The following RYR2 variants were observed in gnomAD, a reference collection of about 807,000 sequenced individuals.
The protein encoded by RYR2 is cardiac muscle ryanodine receptor-calcium release channel.
RYR2 carries 227 observed loss-of-function variants against 601.1 expected under a neutral mutation model. That is an observed-to-expected ratio of 0.38 (90% CI 0.34 to 0.42). The LOEUF is 0.42. RYR2 is among the 10% of genes least tolerant of loss of function. The pLI, the probability that RYR2 is intolerant of heterozygous loss-of-function variation, is 1.00. For missense variants in RYR2, 4,646 were observed against 6,156.5 expected (o/e 0.75, Z 8.21); for synonymous variants, 2,223 against 2,175.1 (o/e 1.02, Z -0.61).
At chr1:237,321,424 G>A (rs1260696840) in intron 2 of RYR2, among the ~76,000 whole-genome samples, 1 of 152,074 alleles carries the variant, frequency 6.6e-6, no homozygotes, top group East Asian at 1.9e-4. Context: ...TTAACTTGGA[G>A]CCCAACTTCC....
intron 40 of RYR2, among the ~76,000 whole-genome samples, chr1:237,626,322 C>G (rs1158042017): frequency 1.3e-5 from 2 of 151,998 alleles, no homozygotes; most frequent in East Asian, 3.9e-4. Context: ...CTGAGGGATC[C>G]AGCCTACTTT....
At chr1:237,706,914 T>C (rs1688427719) in intron 67 of RYR2, 35 bp from the exon 68 acceptor site, 1 of 1,546,266 alleles carries the variant, frequency 6.5e-7, no homozygotes, top group Non-Finnish European at 8.9e-7. Context: ...AGTACTTTCT[T>C]TGAATATCAT....
intron 43 of RYR2, 30 bp from the exon 44 acceptor site, chr1:237,634,859 G>T (rs747753826): frequency 6.5e-7 from 1 of 1,533,870 alleles, no homozygotes; most frequent in Admixed American, 1.9e-5. Context: ...CACGATCCAG[G>T]TTATATTTCA....
At chr1:237,357,391 T>G (rs980706520) in intron 4 of RYR2, among the ~76,000 whole-genome samples, 16 of 152,168 alleles carry the variant, frequency 1.1e-4, no homozygotes, top group African/African-American at 3.9e-4. Context: ...CTCTGTCTTT[T>G]CCCATCCTTG....
At chr1:237,370,426 GA>G (rs1174886562) in intron 6 of RYR2, among the ~76,000 whole-genome samples, 3 of 151,886 alleles carry the variant, frequency 2.0e-5, no homozygotes, top group Admixed American at 6.6e-5. Context: ...AATATCGAAA[GA>G]AAAAAATATT....
At chr1:237,434,691 A>T (rs995515414) in intron 12 of RYR2, among the ~76,000 whole-genome samples, 3 of 152,200 alleles carry the variant, frequency 2.0e-5, no homozygotes, top group African/African-American at 7.2e-5. Flanking sequence ...AATGAATAGA[A>T]GTCTTTTGCT....
chr1:237,231,108 TATATCAAGGA>T lies in RYR2; in HGVS notation c.49-39381_49-39372del, dbSNP rs147290621. 3.5e-3 allele frequency among the ~76,000 whole-genome samples: 528 copies of T among 152,190 alleles called. 5 individuals carry two copies. Among genetic ancestry groups the T allele is most frequent in the African/African-American group, 0.012 (493 of 41,530 alleles). On this transcript the variant is annotated intron_variant, in intron 1 of 104. Transcript: ENST00000366574. ...GAATTGTTTTGTTTCTAAGTGGTTG[TATATCAAGGA>T]ATATCAAATAACTATATCTGTCATT...
chr1:237,179,162 G>A (rs554183395), intron 1 of RYR2, among the ~76,000 whole-genome samples: 37 of 152,218 alleles, frequency 2.4e-4, no homozygotes, highest in African/African-American at 8.9e-4. Flanking sequence ...TCTGCTGTAT[G>A]GCTGGTACCA....
intron 98 of RYR2, among the ~76,000 whole-genome samples, chr1:237,803,360 G>C (rs2149425372): frequency 6.6e-6 from 1 of 151,084 alleles, no homozygotes; most frequent in Middle Eastern, 3.4e-3. Context: ...CTGGAGTGCA[G>C]TGGCACACTC....
chr1:237,116,041 A>T (rs1670041902), intron 1 of RYR2, among the ~76,000 whole-genome samples: 1 of 152,198 alleles, frequency 6.6e-6, no homozygotes, highest in Non-Finnish European at 1.5e-5. Context: ...ATTTCAGGTG[A>T]TTTTCAAGGC....
chr1:237,323,584 T>A (rs73127280), intron 2 of RYR2, among the ~76,000 whole-genome samples: 2,387 of 152,234 alleles, frequency 0.016, 64 homozygotes, highest in African/African-American at 0.054. Flanking sequence ...TATTAAAGGA[T>A]GTTGTATTAT....
rs115256953 is a variant in RYR2, at chr1:237,648,239, A to G, written c.7343-205A>G. Among the ~76,000 whole-genome samples, 457 of 152,324 alleles carry G rather than the reference A, an allele frequency of 3.0e-3. 2 individuals are homozygous for G. The highest frequency in any genetic ancestry group is 0.01 in the African/African-American group (433 of 41,572). On this transcript the variant is annotated intron_variant, in intron 48 of 104. Transcript: ENST00000366574. ...GTATGCAGTTAACAAGTGGATGCCT[A>G]TATAACAGTTAAATGACCTTGGCTT...
chr1:237,744,236 A>G (rs1691862373), intron 80 of RYR2, among the ~76,000 whole-genome samples: 1 of 152,152 alleles, frequency 6.6e-6, no homozygotes, highest in African/African-American at 2.4e-5. Flanking sequence ...TTACATTAAT[A>G]TGAACCTTGT....
intron 25 of RYR2, among the ~76,000 whole-genome samples, chr1:237,534,330 C>G (rs1436592412): frequency 6.6e-6 from 1 of 151,904 alleles, no homozygotes; most frequent in African/African-American, 2.4e-5. Context: ...AAGAAAAATA[C>G]TAGTAGATTT....
chr1:237,808,781 A>G, intron 99 of RYR2, 120 bp from the exon 100 acceptor site: 1 of 844,614 alleles, frequency 1.2e-6, no homozygotes, highest in Non-Finnish European at 1.9e-6. Flanking sequence ...TATGGATCCC[A>G]TTAGCTTCTA....
chr1:237,547,050 G>A (rs574711545), intron 25 of RYR2, among the ~76,000 whole-genome samples: 2 of 148,638 alleles, frequency 1.3e-5, no homozygotes, highest in African/African-American at 4.9e-5. Flanking sequence ...CTGTCACCCA[G>A]GCTGGAGAGC....
chr1:237,647,467 C>T (rs769044912), intron 48 of RYR2, among the ~76,000 whole-genome samples: 7 of 152,104 alleles, frequency 4.6e-5, no homozygotes, highest in Non-Finnish European at 8.8e-5. Flanking sequence ...TTATAAGGAA[C>T]GAATACTACC....
At chr1:237,044,779 AC>A (rs67089904) in intron 1 of RYR2, among the ~76,000 whole-genome samples, 20,634 of 135,438 alleles carry the variant, frequency 0.15, 1,814 homozygotes, top group South Asian at 0.2. Flanking sequence ...TCCCTCCCCC[AC>A]CCCCCTTTTT....
At chr1:237,425,806 G>A (rs935090331) in intron 12 of RYR2, among the ~76,000 whole-genome samples, 1 of 152,076 alleles carries the variant, frequency 6.6e-6, no homozygotes, top group Non-Finnish European at 1.5e-5. Flanking sequence ...GAAAATGCAT[G>A]TATAAGTGGA....
Sources: gnomAD v4.1 joint callset for allele counts (sites outside exome capture counted in the v4.1 genomes callset) on GRCh38, gnomAD v4.1.1 for gene constraint, MANE v1.5 for transcripts, NCBI Gene and HGNC (gene_info 2026-07-23, HGNC 2026-07-21) for gene names.